SORCS2: variants seen among roughly 807,000 people sequenced by gnomAD.
The protein encoded by SORCS2 is VPS10 domain-containing receptor SorCS2.
Under a neutral mutation model 141.6 loss-of-function variants are expected in SORCS2, and 100 were observed. That is an observed-to-expected ratio of 0.71 (90% CI 0.60 to 0.83). The LOEUF is 0.83. Ranked by LOEUF, SORCS2 falls within the 40% of genes least tolerant of loss-of-function variation. The probability of loss-of-function intolerance (pLI) is 0.00; values close to 1 mark genes in which losing one functional copy is unlikely to be tolerated. For synonymous variants in SORCS2, 789 were observed against 676.9 expected (o/e 1.17, Z -2.57); for missense variants, 1,646 against 1,560.2 (o/e 1.05, Z -0.93).
At chr4:7,260,199 G>T (rs767644180) in intron 1 of SORCS2, among the ~76,000 whole-genome samples, 1 of 152,228 alleles carries the variant, frequency 6.6e-6, no homozygotes, top group African/African-American at 2.4e-5. Context: ...TCCAAAGAAT[G>T]GGTAGGAGGC....
intron 2 of SORCS2, among the ~76,000 whole-genome samples, chr4:7,421,548 T>C (rs190217927): frequency 6.6e-6 from 1 of 152,294 alleles, no homozygotes; most frequent in African/African-American, 2.4e-5. Context: ...TCGTCGTTCA[T>C]GGTCATTCTT....
chr4:7,236,028 G>C (rs528574885), intron 1 of SORCS2, among the ~76,000 whole-genome samples: 1 of 152,326 alleles, frequency 6.6e-6, no homozygotes, highest in East Asian at 1.9e-4. Flanking sequence ...CCTGCCTGCT[G>C]GCATTCTAGT....
intron 3 of SORCS2, among the ~76,000 whole-genome samples, chr4:7,539,724 GCCCC>G (rs1712429987): frequency 4.3e-5 from 1 of 23,310 alleles, no homozygotes; most frequent in African/African-American, 7.8e-5. Flanking sequence ...TGGAGGCCCC[GCCCC>G]TTCCTGCTGT....
chr4:7,722,121 C>T (rs896695475), intron 18 of SORCS2, among the ~76,000 whole-genome samples: 3 of 152,220 alleles, frequency 2.0e-5, no homozygotes, highest in African/African-American at 4.8e-5. Context: ...ATCAGCGCAG[C>T]CCTTGAAGGC....
intron 2 of SORCS2, among the ~76,000 whole-genome samples, chr4:7,452,160 A>T (rs1282647742): frequency 4.8e-5 from 7 of 147,368 alleles, no homozygotes; most frequent in African/African-American, 7.5e-5. Context: ...TTTTTTTTTG[A>T]GATGGAGACT....
At chr4:7,278,481 C>T (rs1023497698) in intron 1 of SORCS2, among the ~76,000 whole-genome samples, 1 of 152,216 alleles carries the variant, frequency 6.6e-6, no homozygotes, top group Non-Finnish European at 1.5e-5. Context: ...ACAAACAGCC[C>T]AGGGTCTGCT....
chr4:7,307,286 G>A (rs1375232061), intron 1 of SORCS2, among the ~76,000 whole-genome samples: 1 of 152,230 alleles, frequency 6.6e-6, no homozygotes, highest in Non-Finnish European at 1.5e-5. Flanking sequence ...AAGATTCCAT[G>A]CATGACTCTC....
At chr4:7,684,154 G>A (rs1723733486) in intron 10 of SORCS2, among the ~76,000 whole-genome samples, 1 of 152,142 alleles carries the variant, frequency 6.6e-6, no homozygotes, top group African/African-American at 2.4e-5. Flanking sequence ...CTAGGTGCTG[G>A]GCAACTCAGG....
intron 2 of SORCS2, among the ~76,000 whole-genome samples, chr4:7,498,002 G>A (rs192292548): frequency 1.3e-5 from 2 of 152,388 alleles, no homozygotes; most frequent in Admixed American, 1.3e-4. Context: ...CCCACAGCCT[G>A]TTTCCCTGGG....
intron 1 of SORCS2, among the ~76,000 whole-genome samples, chr4:7,232,647 C>A (rs1460765689): frequency 5.3e-5 from 8 of 152,208 alleles, no homozygotes; most frequent in Non-Finnish European, 1.2e-4. Context: ...AATGTGGGGG[C>A]TCCTGCCCGC....
rs1577848102 is a variant in SORCS2, at chr4:7,618,618, C to T, written c.649-19710C>T. Among the ~76,000 whole-genome samples, 5 of 152,256 alleles carry T rather than the reference C, an allele frequency of 3.3e-5. 1 individual carries two copies. The highest frequency in any genetic ancestry group is 3.3e-4 in the Admixed American group (5 of 15,302). On this transcript the variant is annotated intron_variant, in intron 3 of 26. Transcript: ENST00000507866. Reference sequence around the variant, plus strand: ...AACGCCAAGTTTGGTGCCTCAGGACCTTTGTGCATGCTGCCACCCTCCCTA... The same window carrying T: ...AACGCCAAGTTTGGTGCCTCAGGACTTTTGTGCATGCTGCCACCCTCCCTA...
chr4:7,317,551 C>T (rs1246095709), intron 1 of SORCS2, among the ~76,000 whole-genome samples: 1 of 152,210 alleles, frequency 6.6e-6, no homozygotes, highest in Non-Finnish European at 1.5e-5. Context: ...TATCACAGCC[C>T]CCGCCTCCCT....
At chr4:7,469,544 C>T (rs1177064518) in intron 2 of SORCS2, among the ~76,000 whole-genome samples, 2 of 152,224 alleles carry the variant, frequency 1.3e-5, no homozygotes, top group African/African-American at 2.4e-5. Flanking sequence ...AGAGCCTGCT[C>T]TCAAAATGCC....
At chr4:7,404,118 G>A (rs1051228831) in intron 2 of SORCS2, among the ~76,000 whole-genome samples, 4 of 150,342 alleles carry the variant, frequency 2.7e-5, no homozygotes, top group South Asian at 2.1e-4. Context: ...TGTCTGCCTC[G>A]TTTCACTTAA....
chr4:7,586,917 G>T lies in SORCS2; in HGVS notation c.649-51411G>T, dbSNP rs144382318. ...CTTTTCAGAGACAGCATCTTTCACTGAGTCTTTGGGTTAGCATTCTTTTCT... is the reference window on the plus strand; with the variant it reads ...CTTTTCAGAGACAGCATCTTTCACTTAGTCTTTGGGTTAGCATTCTTTTCT... On this transcript the variant is annotated intron_variant, in intron 3 of 26. Transcript: ENST00000507866. 9.5e-4 allele frequency among the ~76,000 whole-genome samples: 144 copies of T among 152,186 alleles called. 1 individual carries two copies. The highest frequency in any genetic ancestry group is 3.4e-3 in the African/African-American group (143 of 41,550).
In SORCS2 at chr4:7,729,523, G is replaced by T. The variant is rs559320473; in HGVS notation, c.2983-64G>T. Reference sequence around the variant, plus strand: ...GAAGGGAGAGAGGGTGTTCCTGGGGGCCCCAGTATGAGGCAGGGAATGAGG... The same window carrying T: ...GAAGGGAGAGAGGGTGTTCCTGGGGTCCCCAGTATGAGGCAGGGAATGAGG... On this transcript the variant is annotated intron_variant, in intron 22 of 26. Coordinates refer to ENST00000507866, the MANE Select transcript of SORCS2 (RefSeq NM_020777.3). 5 of 1,529,396 alleles carry T rather than the reference G, an allele frequency of 3.3e-6. No individual in the cohort carries two copies. The Admixed American group carries it at 8.0e-5, about 24-fold the overall frequency. The allele number at this position is 1,529,396 out of a possible 1,614,324, so 94.7% of individuals were successfully genotyped here.
At chr4:7,714,198 C>T (rs1463344558) in intron 15 of SORCS2, 42 bp from the exon 16 acceptor site, 1 of 1,588,750 alleles carries the variant, frequency 6.3e-7, no homozygotes, top group Admixed American at 1.7e-5. Flanking sequence ...AGAGCAGTTG[C>T]CCTGTCTCAG....
At chr4:7,613,419 A>T (rs1718552226) in intron 3 of SORCS2, among the ~76,000 whole-genome samples, 1 of 152,192 alleles carries the variant, frequency 6.6e-6, no homozygotes, top group Admixed American at 6.5e-5. Flanking sequence ...TGAGAATGTC[A>T]AGGGAAGCAG....
At chr4:7,297,334 G>C (rs1209783363) in intron 1 of SORCS2, among the ~76,000 whole-genome samples, 1 of 152,224 alleles carries the variant, frequency 6.6e-6, no homozygotes, top group Non-Finnish European at 1.5e-5. Context: ...GCCCCCTTCT[G>C]CCTCTGCCTG....
Sources: gnomAD v4.1 joint callset for allele counts (sites outside exome capture counted in the v4.1 genomes callset) on GRCh38, gnomAD v4.1.1 for gene constraint, MANE v1.5 for transcripts, NCBI Gene and HGNC (gene_info 2026-07-23, HGNC 2026-07-21) for gene names.